Variants in SORBS2 observed in about 807,000 individuals in gnomAD.
SORBS2 encodes the protein sorbin and SH3 domain-containing protein 2.
Under a neutral mutation model 97.7 loss-of-function variants are expected in SORBS2, and 46 were observed. The observed-to-expected ratio is 0.47, with a 90% CI of 0.37 to 0.60. The LOEUF (loss-of-function observed/expected upper bound fraction) is 0.60. Ranked by LOEUF, SORBS2 falls within the 20% of genes least tolerant of loss-of-function variation. SORBS2 has a pLI of 0.00. For synonymous variants in SORBS2, 476 were observed against 473.4 expected, an observed-to-expected ratio of 1.01 and a Z score of -0.07; for missense variants, 1,316 against 1,282.3, an observed-to-expected ratio of 1.03 and a Z score of -0.40.
intron 5 of SORBS2, 124 bp downstream of exon 17, chr4:185,630,425 G>A: frequency 4.0e-6 from 2 of 498,308 alleles, no homozygotes; most frequent in Non-Finnish European, 7.1e-6. Context: ...ACTTCATGAG[G>A]CATGGTACTT....
intron 12 of SORBS2, among the ~76,000 whole-genome samples, chr4:185,608,710 T>C (rs183148773): frequency 2.0e-5 from 3 of 152,326 alleles, no homozygotes; most frequent in Admixed American, 1.3e-4. Flanking sequence ...TTATCTACCC[T>C]TACCGGACTA....
intron 10 of SORBS2, 24 bp downstream of exon 22, chr4:185,615,021 A>C: frequency 2.5e-6 from 4 of 1,613,440 alleles, no homozygotes; most frequent in Non-Finnish European, 3.4e-6. Flanking sequence ...ACCGCCATCC[A>C]AGAGAGAAAG....
At chr4:185,826,793 A>G (rs1295987454) in intron 1 of SORBS2, among the ~76,000 whole-genome samples, 1 of 152,212 alleles carries the variant, frequency 6.6e-6, no homozygotes, top group Non-Finnish European at 1.5e-5. Context: ...AGGATTTACT[A>G]TAAAATTGAT....
intron 1 of SORBS2, among the ~76,000 whole-genome samples, chr4:185,899,154 G>A (rs980120243): frequency 8.3e-4 from 126 of 152,236 alleles, no homozygotes; most frequent in African/African-American, 2.7e-3. Flanking sequence ...GGTGCTGCCC[G>A]GTACAGCCCC....
chr4:185,828,266 G>C (rs1036513948), intron 1 of SORBS2, among the ~76,000 whole-genome samples: 2 of 152,102 alleles, frequency 1.3e-5, no homozygotes, highest in Non-Finnish European at 2.9e-5. Flanking sequence ...AGGAAGACAA[G>C]GAGCCTGGAC....
intron 1 of SORBS2, among the ~76,000 whole-genome samples, chr4:185,855,242 A>C (rs1398425627): frequency 1.3e-5 from 2 of 152,204 alleles, no homozygotes; most frequent in Non-Finnish European, 2.9e-5. Flanking sequence ...CGTCAGGTTT[A>C]TGAAGAGTTC....
intron 2 of SORBS2, among the ~76,000 whole-genome samples, chr4:185,681,989 A>C (rs952416672): frequency 6.6e-6 from 1 of 152,208 alleles, no homozygotes; most frequent in African/African-American, 2.4e-5. Context: ...AGAAGACTCA[A>C]GTGCTTTTTA....
chr4:185,788,392 C>T (rs1384893602), intron 1 of SORBS2, among the ~76,000 whole-genome samples: 1 of 152,144 alleles, frequency 6.6e-6, no homozygotes, highest in Non-Finnish European at 1.5e-5. Context: ...TTTGGTGCTT[C>T]AAAGTTTCAA....
chr4:185,836,150 G>A (rs554981867), intron 1 of SORBS2, among the ~76,000 whole-genome samples: 2 of 152,226 alleles, frequency 1.3e-5, no homozygotes, highest in East Asian at 1.9e-4. Context: ...ATGTCTACTT[G>A]GGACTCAGAT....
Position 185,722,427 on chromosome 4 carries a change from C to T in SORBS2, c.-197-43605G>A, listed in dbSNP as rs139152388. Among the ~76,000 whole-genome samples, 29 of 152,302 alleles carry T rather than the reference C, an allele frequency of 1.9e-4. No homozygotes were observed. In the East Asian group the frequency reaches 5.4e-3, roughly 28 times the overall value. On this transcript the variant is annotated intron_variant, in intron 2 of 20. Coordinates refer to the SORBS2 transcript ENST00000284776. ...TTAAAAAGTGGCATTATTTGGAAAACAGTCTCTGCAATTTATTCTAATGTA... is the reference window on the plus strand; with the variant it reads ...TTAAAAAGTGGCATTATTTGGAAAATAGTCTCTGCAATTTATTCTAATGTA...
At chr4:185,832,244 A>G (rs924633703) in intron 1 of SORBS2, among the ~76,000 whole-genome samples, 5 of 152,166 alleles carry the variant, frequency 3.3e-5, no homozygotes, top group African/African-American at 1.2e-4. Flanking sequence ...ATTTAAAATC[A>G]TCTAACTTTA....
chr4:185,728,859 G>A (rs555070818), intron 2 of SORBS2, among the ~76,000 whole-genome samples: 2 of 152,356 alleles, frequency 1.3e-5, no homozygotes, highest in South Asian at 2.1e-4. Flanking sequence ...CAGAGATGAT[G>A]GCCTTGCTGC....
intron 1 of SORBS2, among the ~76,000 whole-genome samples, chr4:185,892,395 T>G (rs955221502): frequency 2.0e-5 from 3 of 152,198 alleles, no homozygotes; most frequent in African/African-American, 7.2e-5. Context: ...CATTAATCCA[T>G]GTTAATTATT....
intron 1 of SORBS2, among the ~76,000 whole-genome samples, chr4:185,838,848 A>G (rs921851776): frequency 4.6e-5 from 7 of 152,174 alleles, no homozygotes; most frequent in African/African-American, 1.4e-4. Flanking sequence ...CCTGTCTCTG[A>G]TAGCAGCCAA....
At chr4:185,840,874 G>A (rs565381952) in intron 1 of SORBS2, among the ~76,000 whole-genome samples, 36 of 152,052 alleles carry the variant, frequency 2.4e-4, no homozygotes, top group Non-Finnish European at 4.0e-4. Context: ...CATCAGAACA[G>A]AATCACCAAG....
intron 1 of SORBS2, among the ~76,000 whole-genome samples, chr4:185,842,679 G>A (rs1039439086): frequency 1.3e-4 from 20 of 152,178 alleles, no homozygotes; most frequent in African/African-American, 4.3e-4. Context: ...GCCCATGCCT[G>A]TAATCCCAGC....
At chr4:185,698,240 C>T (rs1450837613) in intron 2 of SORBS2, among the ~76,000 whole-genome samples, 1 of 152,184 alleles carries the variant, frequency 6.6e-6, no homozygotes, top group Non-Finnish European at 1.5e-5. Context: ...CTTTGGGAGG[C>T]CGAGGCAGGA....
intron 1 of SORBS2, among the ~76,000 whole-genome samples, chr4:185,907,139 A>G (rs1364971528): frequency 7.9e-6 from 1 of 126,940 alleles, no homozygotes; most frequent in African/African-American, 3.6e-5. Context: ...CCATCATAAC[A>G]AAAAAAAAAA....
Position 185,931,982 on chromosome 4 carries a change from C to CTCTG in SORBS2, c.-338+24213_-338+24214insCAGA, listed in dbSNP as rs370454768. Among the ~76,000 whole-genome samples, 425 of 148,306 alleles carry CTCTG rather than the reference C, an allele frequency of 2.9e-3. 1 individual carries two copies. The highest frequency in any genetic ancestry group is 4.8e-3 in the African/African-American group (190 of 39,798). On this transcript the variant is annotated intron_variant, in intron 1 of 20. Transcript: ENST00000284776. ...TACATCTTAAGGGAAGAACCTGTCT[C>CTCTG]TCTCTCTCTCTCTCTCTCTCTATAT... is the stretch of plus-strand genomic sequence containing the variant.
Sources: gnomAD v4.1 joint callset for allele counts (sites outside exome capture counted in the v4.1 genomes callset) on GRCh38, gnomAD v4.1.1 for gene constraint, MANE v1.5 for transcripts, NCBI Gene and HGNC (gene_info 2026-07-23, HGNC 2026-07-21) for gene names.